Variants in NCAM2 observed in about 807,000 individuals in gnomAD.
The protein encoded by NCAM2 is neural cell adhesion molecule 2.
A neutral mutation model predicts 98.1 loss-of-function variants in NCAM2; 30 were observed. The observed-to-expected ratio is 0.31, with a 90% CI of 0.23 to 0.41. NCAM2 has a LOEUF of 0.41. Among genes scored for constraint, NCAM2 ranks in the 10% least tolerant of loss-of-function variants. NCAM2 has a pLI of 1.00. For missense variants in NCAM2, 867 were observed against 1,005.8 expected (o/e 0.86, Z 1.87); for synonymous variants, 368 against 342.4 (o/e 1.07, Z -0.83).
chr21:21,470,631 C>G (rs1019237340), intron 14 of NCAM2, among the ~76,000 whole-genome samples: 1 of 152,038 alleles, frequency 6.6e-6, no homozygotes, highest in Non-Finnish European at 1.5e-5. Flanking sequence ...CCCAGTTACC[C>G]AGTGTCTGTG....
At chr21:21,226,385 TGTGA>T (rs1370067027) in intron 1 of NCAM2, among the ~76,000 whole-genome samples, 2 of 152,262 alleles carry the variant, frequency 1.3e-5, no homozygotes, top group East Asian at 3.9e-4. Flanking sequence ...AACAAATGTA[TGTGA>T]GTTAGGTTGA....
chr21:21,284,102 A>ATGG (rs1167856849), intron 2 of NCAM2, 92 bp from the exon 3 acceptor site: 54 of 931,080 alleles, frequency 5.8e-5, no homozygotes, highest in Non-Finnish European at 4.6e-5. Flanking sequence ...TTTTTTCTAA[A>ATGG]TGGTTAATAT....
intron 9 of NCAM2, among the ~76,000 whole-genome samples, chr21:21,406,261 T>C (rs139419969): frequency 1.2e-3 from 177 of 152,292 alleles, no homozygotes; most frequent in African/African-American, 4.1e-3. Flanking sequence ...TGGCAGTGGA[T>C]GAAAAGTTAT....
chr21:21,253,138 C>T (rs985335543), intron 1 of NCAM2, among the ~76,000 whole-genome samples: 3 of 152,022 alleles, frequency 2.0e-5, no homozygotes, highest in Non-Finnish European at 4.4e-5. Context: ...TTACTGTTAT[C>T]CTTCTTTTTA....
chr21:21,330,943 G>A (rs996465198), intron 6 of NCAM2, among the ~76,000 whole-genome samples: 1 of 152,032 alleles, frequency 6.6e-6, no homozygotes, highest in African/African-American at 2.4e-5. Flanking sequence ...AATCCCATCA[G>A]AGTATTTCTC....
chr21:21,106,314 C>CAAAAAAAAAAAAAAAAAAA (rs202018731), intron 1 of NCAM2, among the ~76,000 whole-genome samples: 30 of 103,458 alleles, frequency 2.9e-4, no homozygotes, highest in African/African-American at 7.2e-4. Context: ...GTCTCAAAAG[C>CAAAAAAAAAAAAAAAAAAA]AAAAAAAAAA....
chr21:21,171,555 G>C (rs550074419), intron 1 of NCAM2, among the ~76,000 whole-genome samples: 1 of 152,230 alleles, frequency 6.6e-6, no homozygotes, highest in Non-Finnish European at 1.5e-5. Flanking sequence ...TTCTCATACT[G>C]GTTCCCACTT....
chr21:21,082,054 C>T (rs575728366), intron 1 of NCAM2, among the ~76,000 whole-genome samples: 1 of 150,740 alleles, frequency 6.6e-6, no homozygotes, highest in Non-Finnish European at 1.5e-5. Flanking sequence ...AAGATGAAAC[C>T]CCATCTCTAC....
intron 5 of NCAM2, among the ~76,000 whole-genome samples, chr21:21,300,596 A>G (rs551953785): frequency 2.6e-5 from 4 of 152,090 alleles, no homozygotes; most frequent in Non-Finnish European, 5.9e-5. Context: ...GTGTGACATT[A>G]TCTCACAGAT....
chr21:21,334,656 G>A (rs1371896734), intron 6 of NCAM2, among the ~76,000 whole-genome samples: 1 of 151,824 alleles, frequency 6.6e-6, no homozygotes, highest in Non-Finnish European at 1.5e-5. Context: ...GAGGAAAAAA[G>A]ATGAATAAAA....
intron 1 of NCAM2, among the ~76,000 whole-genome samples, chr21:21,134,621 A>C (rs2067004227): frequency 6.6e-6 from 1 of 152,174 alleles, no homozygotes; most frequent in Admixed American, 6.5e-5. Flanking sequence ...CTAATAGAAA[A>C]TGAGATATAG....
intron 8 of NCAM2, among the ~76,000 whole-genome samples, chr21:21,345,474 G>A (rs1038667084): frequency 3.3e-5 from 5 of 152,144 alleles, no homozygotes; most frequent in East Asian, 1.9e-4. Context: ...GCTGAAAAAT[G>A]CAGCAGGCAT....
chr21:21,024,685 G>T (rs1474146374), intron 1 of NCAM2, among the ~76,000 whole-genome samples: 1 of 152,094 alleles, frequency 6.6e-6, no homozygotes, highest in Non-Finnish European at 1.5e-5. Flanking sequence ...AGACCAGCCT[G>T]GCCAACATGG....
chr21:21,260,813 A>G (rs1383817634), intron 1 of NCAM2, among the ~76,000 whole-genome samples: 2 of 152,100 alleles, frequency 1.3e-5, no homozygotes, highest in African/African-American at 4.8e-5. Context: ...CTACAAAGCA[A>G]CTAGCTAACA....
At chr21:21,077,402 A>G (rs1216918419) in intron 1 of NCAM2, among the ~76,000 whole-genome samples, 1 of 152,202 alleles carries the variant, frequency 6.6e-6, no homozygotes, top group Non-Finnish European at 1.5e-5. Flanking sequence ...TTGAAGGATT[A>G]TTGAGAAAGA....
At chr21:21,411,005 T>TAA (rs1337739635) in intron 10 of NCAM2, among the ~76,000 whole-genome samples, 30 of 98,616 alleles carry the variant, frequency 3.0e-4, no homozygotes, top group East Asian at 1.2e-3. Flanking sequence ...GACTCCGTCT[T>TAA]AAAAAAAAAA....
intron 16 of NCAM2, among the ~76,000 whole-genome samples, chr21:21,514,044 A>G (rs1438441874): frequency 1.3e-5 from 2 of 151,744 alleles, no homozygotes; most frequent in Non-Finnish European, 2.9e-5. Context: ...GTGTTCTTTT[A>G]TACAACATGC....
intron 12 of NCAM2, among the ~76,000 whole-genome samples, chr21:21,450,793 TACACACACACACACAC>T (rs71195329): frequency 0.14 from 20,512 of 143,524 alleles, 1,435 homozygotes; most frequent in Admixed American, 0.15. Flanking sequence ...TATGTATGTA[TACACACACACACACAC>T]ACACACACAC....
chr21:21,331,900 T>TTTTA (rs144997335), intron 6 of NCAM2, among the ~76,000 whole-genome samples: 36,326 of 146,786 alleles, frequency 0.25, 4,874 homozygotes, highest in Non-Finnish European at 0.31. Flanking sequence ...TCCTGGGAAT[T>TTTTA]TTTATTTATT....
Sources: gnomAD v4.1 joint callset for allele counts (sites outside exome capture counted in the v4.1 genomes callset) on GRCh38, gnomAD v4.1.1 for gene constraint, MANE v1.5 for transcripts, NCBI Gene and HGNC (gene_info 2026-07-23, HGNC 2026-07-21) for gene names.